The following SLC9A5 variants were observed in gnomAD, a reference collection of about 807,000 sequenced individuals.
SLC9A5 encodes solute carrier family 9 member A5, also known as sodium/hydrogen exchanger 5.
A neutral mutation model predicts 91.7 loss-of-function variants in SLC9A5; 52 were observed. The observed-to-expected ratio is 0.57, with a 90% CI of 0.45 to 0.71. The LOEUF (loss-of-function observed/expected upper bound fraction) is 0.71. Ranked by LOEUF, SLC9A5 falls within the 30% of genes least tolerant of loss-of-function variation. The pLI is 0.00. For missense variants in SLC9A5, 871 were observed against 1,158.9 expected, an observed-to-expected ratio of 0.75 and a Z score of 3.61; for synonymous variants, 419 against 474.5, an observed-to-expected ratio of 0.88 and a Z score of 1.52.
At position 67,259,623 on chromosome 16, in the gene SLC9A5, C is replaced by T. The variant is rs1262661912; in HGVS notation, c.1677C>T (p.Ser559=). 1.2e-6 allele frequency: 2 copies of T among 1,614,180 alleles called. No homozygotes were observed. Among genetic ancestry groups the T allele is most frequent in the Non-Finnish European group, 1.7e-6 (2 of 1,180,028 alleles). Residue 559 remains serine (S), a synonymous_variant, in exon 11 of 16, where the codon AGC becomes AGT. Transcript: ENST00000299798. ...STGLTLPSMP[S]RNSVAETSVT... is the part of the protein sequence containing the mutation. Reference sequence around the variant, plus strand: ...GTCTCACTCTGCCTTCTATGCCCAGCCGCAATTCTGTGGCAGAAACTTCTG... The same window carrying T: ...GTCTCACTCTGCCTTCTATGCCCAGTCGCAATTCTGTGGCAGAAACTTCTG...
chr16:67,271,318 AAGT>A lies in SLC9A5; in HGVS notation c.*113_*115del. On this transcript the variant is annotated 3_prime_UTR_variant, in exon 16 of 16. Coordinates refer to ENST00000299798, the MANE Select transcript of SLC9A5 (RefSeq NM_004594.3). ...CATGGGGCCAGAAGGGCCTGGGTTG[AAGT>A]AGTAATTGGGCTTCCTTGGAGCTAG... The A allele has an allele frequency of 9.8e-7, 1 of 1,018,136 alleles. No homozygotes were observed. Among genetic ancestry groups the A allele is most frequent in the Non-Finnish European group, 1.5e-6 (1 of 689,624 alleles). 63.1% of individuals were successfully genotyped at this position (1,018,136 alleles called of 1,614,324 possible). A position where few individuals can be genotyped will look rare whatever the true frequency, so the allele number is the denominator to read the frequency against.
chr16:67,270,293 C>T lies in SLC9A5; in HGVS notation c.2219-445C>T, dbSNP rs930250578. ...CTCTGCCTCCCGGGTTCAAGTGATT[C>T]TCTTGCCTCAGCCTCCCGAGTACCT... On this transcript the variant is annotated intron_variant, in intron 15 of 15. Transcript: ENST00000299798. The surrounding 1 kb of genome is among the most constrained non-coding windows in gnomAD (Gnocchi z 4.3). Among the ~76,000 whole-genome samples the T allele has an allele frequency of 1.3e-5, 2 of 152,164 alleles. No individual in the cohort carries two copies. Among genetic ancestry groups the T allele is most frequent in the Non-Finnish European group, 2.9e-5 (2 of 68,022 alleles).
intron 12 of SLC9A5, chr16:67,262,004 C>T (rs959153262): frequency 1.3e-5 from 4 of 297,740 alleles, no homozygotes; most frequent in East Asian, 8.1e-5. Context: ...TCAGTCCAAT[C>T]GGTTCATGTG....
Position 67,258,517 on chromosome 16 carries a change from G to A in SLC9A5, c.1626+70G>A. ...GGTCAGCAGAGCAGGACAGAAAGGG[G>A]TGGCAAGCAGGCTGGCCCTGAGCAG... On this transcript the variant is annotated intron_variant, in intron 10 of 15. Transcript: ENST00000299798. This position sits in a 1 kb window ranked among gnomAD's most constrained non-coding sequence, Gnocchi z 4.5. The A allele has an allele frequency of 6.3e-7, 1 of 1,578,876 alleles. No homozygotes were observed. Among genetic ancestry groups the A allele is most frequent in the Non-Finnish European group, 8.7e-7 (1 of 1,150,334 alleles).
chr16:67,258,370 G>A lies in SLC9A5; in HGVS notation c.1549G>A (p.Ala517Thr), dbSNP rs775598551. 6.2e-7 allele frequency: 1 copy of A among 1,614,206 alleles called. No individual in the cohort carries two copies. The highest frequency in any genetic ancestry group is 1.1e-5 in the South Asian group (1 of 91,092). ...YLSQLLMRRS[A>T]YRIRDQIWDV... ...GAGTCAGCTGCTGATGCGACGATCA[G>A]CCTACCGCATCCGGGACCAGATCTG... The change falls in exon 10 of 16, where the codon GCC becomes ACC. Residue 517 changes from alanine (A) to threonine (T), a missense_variant. Physicochemically the swap from Ala to Thr is moderately conservative, Grantham distance 58. Coordinates refer to ENST00000299798, the MANE Select transcript of SLC9A5 (RefSeq NM_004594.3). This position sits in a 1 kb window ranked among gnomAD's most constrained non-coding sequence, Gnocchi z 4.5.
chr16:67,254,574 T>C (rs1476107331), intron 2 of SLC9A5, among the ~76,000 whole-genome samples: 2 of 152,120 alleles, frequency 1.3e-5, no homozygotes, highest in Non-Finnish European at 2.9e-5. Flanking sequence ...TTTTTGTATT[T>C]TTAGTAGAGA....
At chr16:67,249,349 G>A in intron 1 of SLC9A5, 148 bp downstream of exon 1, 1 of 591,124 alleles carries the variant, frequency 1.7e-6, no homozygotes, top group Non-Finnish European at 2.6e-6. Flanking sequence ...CTCTCGCCCA[G>A]TTCCTGCATC....
intron 15 of SLC9A5, 87 bp downstream of exon 15, chr16:67,266,312 C>T: frequency 7.6e-7 from 1 of 1,320,396 alleles, no homozygotes; most frequent in Non-Finnish European, 1.0e-6. Flanking sequence ...AGACAACTCC[C>T]TTTTCCTATT....
rs1311184226 is a variant in SLC9A5 at position 67,268,572 on chromosome 16, A to G, written c.2219-2166A>G. 2.0e-5 allele frequency among the ~76,000 whole-genome samples: 3 copies of G among 147,674 alleles called. No homozygotes were observed. The East Asian group carries it at 6.0e-4, about 30-fold the overall frequency. On this transcript the variant is annotated intron_variant, in intron 15 of 15. Transcript: ENST00000299798. ...ACAACACTCTGTCTCTTGGGGAAGAAAAAAGGATTCTTTAAAAAATATGTA... is the reference window on the plus strand; with the variant it reads ...ACAACACTCTGTCTCTTGGGGAAGAGAAAAGGATTCTTTAAAAAATATGTA...
chr16:67,265,817 A>G (rs144582673), intron 14 of SLC9A5, among the ~76,000 whole-genome samples: 38 of 152,304 alleles, frequency 2.5e-4, no homozygotes, highest in African/African-American at 8.7e-4. Flanking sequence ...GGGCTGAAAG[A>G]AGAGGATGGG....
In SLC9A5 at chr16:67,270,705, G is replaced by C; in HGVS notation, c.2219-33G>C. The C allele has an allele frequency of 7.2e-7, 1 of 1,385,870 alleles. No individual in the cohort carries two copies. Among genetic ancestry groups the C allele is most frequent in the Non-Finnish European group, 9.9e-7 (1 of 1,009,062 alleles). The allele number at this position is 1,385,870 out of a possible 1,614,324, so 85.8% of individuals were successfully genotyped here. ...TTATACTTGAGATTTCCACTGTATT[G>C]GTAATGAGTTCATGTGTACTCTCTG... is the stretch of plus-strand genomic sequence containing the variant. On this transcript the variant is annotated intron_variant, in intron 15 of 15. Coordinates refer to ENST00000299798, the MANE Select transcript of SLC9A5 (RefSeq NM_004594.3). The surrounding 1 kb of genome is among the most constrained non-coding windows in gnomAD (Gnocchi z 4.3).
chr16:67,262,087 A>G, intron 12 of SLC9A5: 1 of 337,542 alleles, frequency 3.0e-6, no homozygotes, highest in East Asian at 7.6e-5. Context: ...GCTTTAGCCC[A>G]TCATCCCATT....
rs2035691820 is a variant in SLC9A5 at position 67,266,117 on chromosome 16, G to C, written c.2110G>C (p.Glu704Gln). 1 of 1,610,586 alleles carries C rather than the reference G, an allele frequency of 6.2e-7. No homozygotes were observed. The highest frequency in any genetic ancestry group is 8.5e-7 in the Non-Finnish European group (1 of 1,178,340). The change falls in exon 15 of 16, where the codon GAG (glutamate) becomes CAG (glutamine). Residue 704 changes from glutamate to glutamine, a missense_variant. This residue lies in a region of SLC9A5 where 295 missense variants were observed against 326.0 expected (regional missense o/e 0.90). Transcript: ENST00000299798. Reference protein sequence around the residue: ...AAVILTVESEEEEEESDSSET... With the variant: ...AAVILTVESEQEEEESDSSET... ...TGTGATATTAACCGTGGAGTCTGAG[G>C]AGGAGGAGGAGGAGAGCGACAGTTC...
chr16:67,269,269 C>T (rs1221374511), intron 15 of SLC9A5, among the ~76,000 whole-genome samples: 2 of 149,898 alleles, frequency 1.3e-5, no homozygotes, highest in Non-Finnish European at 3.0e-5. Context: ...ACTAAAAATA[C>T]GAAAAAAAAA....
At chr16:67,264,867 TG>T (rs1401398849) in intron 13 of SLC9A5, among the ~76,000 whole-genome samples, 172 bp from the exon 14 acceptor site, 6 of 152,162 alleles carry the variant, frequency 3.9e-5, no homozygotes, top group African/African-American at 1.2e-4. Flanking sequence ...GATTTCTTAC[TG>T]GGGCATGGGT....
At position 67,259,802 on chromosome 16, in the gene SLC9A5, G is replaced by A. The variant is rs528069106; in HGVS notation, c.1716-18G>A. 263 of 1,613,210 alleles carry A rather than the reference G, an allele frequency of 1.6e-4. 3 individuals carry two copies. In the South Asian group the frequency reaches 2.7e-3, roughly 16 times the overall value. ...CTCCTGCCCCCTCTCCAGCACATGT[G>A]TCCCCTGCCTCCTGCAGGAGGGAGA... On this transcript the variant is annotated intron_variant, in intron 11 of 15. Transcript: ENST00000299798.
intron 12 of SLC9A5, among the ~76,000 whole-genome samples, chr16:67,260,621 G>T (rs1009627780): frequency 2.3e-4 from 35 of 152,190 alleles, no homozygotes; most frequent in Non-Finnish European, 2.9e-5. Context: ...GATTGGCTCT[G>T]ATGGTGAGAG....
intron 15 of SLC9A5, 121 bp downstream of exon 15, chr16:67,266,346 A>G: frequency 9.9e-7 from 1 of 1,006,754 alleles, no homozygotes; most frequent in Non-Finnish European, 1.4e-6. Flanking sequence ...ATCAGCCAGC[A>G]TTTGCAGAGC....
chr16:67,269,614 G>A (rs1043177619), intron 15 of SLC9A5, among the ~76,000 whole-genome samples: 2 of 152,020 alleles, frequency 1.3e-5, no homozygotes, highest in Non-Finnish European at 2.9e-5. Context: ...TGTTGTTATC[G>A]CATTTTAATA....
Sources: allele counts gnomAD v4.1 joint callset (sites outside exome capture counted in the v4.1 genomes callset), GRCh38; gene constraint gnomAD v4.1.1; regional missense constraint gnomAD v4.1.1; non-coding constraint Gnocchi (gnomAD v3.1); transcripts MANE v1.5; gene names NCBI Gene and HGNC (gene_info 2026-07-23, HGNC 2026-07-21).